H6PD: variants seen among roughly 807,000 people sequenced by gnomAD.
H6PD encodes the protein GDH/6PGL endoplasmic bifunctional protein.
H6PD carries 48 observed loss-of-function variants against 61.2 expected under a neutral mutation model. The observed-to-expected ratio is 0.78, with a 90% CI of 0.62 to 1.00. H6PD has a LOEUF of 1.00. H6PD is among the 50% of genes least tolerant of loss of function. The probability of loss-of-function intolerance (pLI) is 0.00; values close to 1 mark genes in which losing one functional copy is unlikely to be tolerated. For missense variants in H6PD, 1,093 were observed against 1,065.0 expected (o/e 1.03, Z -0.37); for synonymous variants, 480 against 457.9 (o/e 1.05, Z -0.62).
rs769701551 is a variant in H6PD, at chr1:9,262,331, G to C, written c.1015+3G>C. On this transcript the variant is annotated splice_donor_region_variant and intron_variant, in intron 4 of 4. Coordinates refer to ENST00000377403, the MANE Select transcript of H6PD (RefSeq NM_004285.4). The stretch of plus-strand genomic sequence containing the variant: ...CAGCCTGACGCCGACCTTCGCAGGT[G>C]GGCCCTGGGGCTGGGCATGGGGCAC... 6.3e-7 allele frequency: 1 copy of C among 1,597,650 alleles called. No homozygotes were observed. The highest frequency in any genetic ancestry group is 8.5e-7 in the Non-Finnish European group (1 of 1,172,224).
At chr1:9,260,078 C>T (rs556936630) in intron 3 of H6PD, among the ~76,000 whole-genome samples, 7 of 141,498 alleles carry the variant, frequency 4.9e-5, no homozygotes, top group East Asian at 2.2e-4. Context: ...GGTGTTGTTA[C>T]GTTGCTGTTG....
intron 3 of H6PD, among the ~76,000 whole-genome samples, chr1:9,251,536 G>C (rs1242532297): frequency 6.6e-6 from 1 of 152,136 alleles, no homozygotes; most frequent in Non-Finnish European, 1.5e-5. Flanking sequence ...CCTGACATGG[G>C]GGAAAGGAGC....
At chr1:9,236,009 G>A (rs986681484) in intron 1 of H6PD, among the ~76,000 whole-genome samples, 1 of 152,074 alleles carries the variant, frequency 6.6e-6, no homozygotes, top group Non-Finnish European at 1.5e-5. Flanking sequence ...GCATTTTTCT[G>A]TGGTTGATGG....
At chr1:9,255,601 A>G (rs1272863542) in intron 3 of H6PD, among the ~76,000 whole-genome samples, 1 of 152,104 alleles carries the variant, frequency 6.6e-6, no homozygotes, top group African/African-American at 2.4e-5. Flanking sequence ...TTTCAAATGC[A>G]AGATATTCCT....
At position 9,263,687 on chromosome 1, in the gene H6PD, C is replaced by A. The variant is rs112859991; in HGVS notation, c.1194C>A (p.Leu398=). Residue 398 remains leucine (L), a synonymous_variant, in exon 5 of 5, where the codon CTC becomes CTA. Coordinates refer to ENST00000377403, the MANE Select transcript of H6PD (RefSeq NM_004285.4). ...AGAGCCAGTGCCTGCCCCGGCAGCT[C>A]GTCTTCCACATCGGCCATGGCGACC... ...AAQSQCLPRQ[L]VFHIGHGDLG... 6.2e-7 allele frequency: 1 copy of A among 1,614,038 alleles called. No individual in the cohort carries two copies. The highest frequency in any genetic ancestry group is 8.5e-7 in the Non-Finnish European group (1 of 1,179,998).
intron 3 of H6PD, among the ~76,000 whole-genome samples, chr1:9,249,352 G>A (rs1247767143): frequency 2.0e-5 from 3 of 152,198 alleles, no homozygotes; most frequent in Non-Finnish European, 4.4e-5. Context: ...AAAGAAACAC[G>A]GAAGATATGA....
At chr1:9,244,794 G>C in intron 1 of H6PD, 131 bp from the exon 2 acceptor site, 3 of 858,236 alleles carry the variant, frequency 3.5e-6, no homozygotes, top group Non-Finnish European at 5.8e-6. Flanking sequence ...ACAAGCTGTG[G>C]GCTTATAACA....
At chr1:9,260,629 A>G (rs932550776) in intron 3 of H6PD, among the ~76,000 whole-genome samples, 4 of 150,852 alleles carry the variant, frequency 2.7e-5, no homozygotes, top group South Asian at 2.1e-4. Context: ...TGTTACGCCA[A>G]TGTTGTTATG....
chr1:9,264,965 G>T lies in H6PD; in HGVS notation c.*96G>T. ...CCCGCCACCTGCCCAGCGTGCCCTG[G>T]CTCTCCAGAACCTTCTATCCCACAG... On this transcript the variant is annotated 3_prime_UTR_variant, in exon 5 of 5. Transcript: ENST00000377403. 1.5e-6 allele frequency: 2 copies of T among 1,361,564 alleles called. No individual in the cohort carries two copies. Among genetic ancestry groups the T allele is most frequent in the Non-Finnish European group, 2.0e-6 (2 of 976,306 alleles). The allele number at this position is 1,361,564 out of a possible 1,614,324, so 84.3% of individuals were successfully genotyped here.
chr1:9,244,688 T>C (rs1002965740), intron 1 of H6PD, among the ~76,000 whole-genome samples: 1 of 152,206 alleles, frequency 6.6e-6, no homozygotes, highest in African/African-American at 2.4e-5. Flanking sequence ...CTCTAGCAAG[T>C]GGTCTCTAAC....
rs143444265 is a variant in H6PD, at chr1:9,266,086, G to A, written c.*1217G>A. The A allele has an allele frequency of 6.6e-6, 1 of 152,464 alleles. No homozygotes were observed. Among genetic ancestry groups the A allele is most frequent in the African/African-American group, 2.4e-5 (1 of 41,588 alleles). The allele number at this position is 152,464 out of a possible 1,614,324, so 9.4% of individuals were successfully genotyped here. On this transcript the variant is annotated 3_prime_UTR_variant, in exon 5 of 5. Transcript: ENST00000377403. The stretch of plus-strand genomic sequence containing the variant: ...AAGATCCAGTTAAATCACCCACTGA[G>A]GTGACAGCTCATTAGCGGGGAGAGA...
intron 1 of H6PD, chr1:9,239,699 C>T (rs1640942286): frequency 2.9e-6 from 1 of 340,928 alleles, no homozygotes; most frequent in South Asian, 1.5e-4. Context: ...AATTTCCCTT[C>T]CTCCTGCCTG....
In H6PD at chr1:9,245,112, T is replaced by G; in HGVS notation, c.178T>G (p.Phe60Val). The change falls in exon 2 of 5, where the codon TTT becomes GTT. Residue 60 changes from phenylalanine to valine, a missense_variant. Phe to Val is a conservative substitution (Grantham distance 50). Transcript: ENST00000377403. This position sits in a 1 kb window ranked among gnomAD's most constrained non-coding sequence, Gnocchi z 4.8. The stretch of plus-strand genomic sequence containing the variant: ...GGATGAAGCGGGGAGGGGTCACAGT[T>G]TTAGCTTCCATGGAGCTGCTCTGAC... ...YLDEAGRGHS[F>V]SFHGAALTAP... 1 of 1,614,122 alleles carries G rather than the reference T, an allele frequency of 6.2e-7. No homozygotes were observed. Among genetic ancestry groups the G allele is most frequent in the Non-Finnish European group, 8.5e-7 (1 of 1,180,020 alleles).
intron 3 of H6PD, among the ~76,000 whole-genome samples, chr1:9,253,462 A>T (rs1185335903): frequency 1.3e-5 from 2 of 152,218 alleles, no homozygotes; most frequent in Non-Finnish European, 2.9e-5. Context: ...GTTGACATAT[A>T]AATCCACTGT....
Position 9,262,255 on chromosome 1 carries a change from G to C in H6PD, c.942G>C (p.Gln314His), listed in dbSNP as rs767672400. The C allele has an allele frequency of 2.5e-6, 4 of 1,612,490 alleles. No individual in the cohort carries two copies. The highest frequency in any genetic ancestry group is 1.6e-4 in the Middle Eastern group (1 of 6,070). The change falls in exon 4 of 5, where the codon CAG (glutamine) becomes CAC (histidine). Residue 314 changes from glutamine (Q) to histidine (H), a missense_variant. Gln to His is a conservative substitution (Grantham distance 24). Transcript: ENST00000377403. Reference sequence around the variant, plus strand: ...GCAGTGCCGTCGTGGGCCAGTACCAGTCTTACAGTGAGCAGGTGCGCAGAG... The same window carrying C: ...GCAGTGCCGTCGTGGGCCAGTACCACTCTTACAGTGAGCAGGTGCGCAGAG... ...QRGSAVVGQY[Q>H]SYSEQVRREL...
intron 1 of H6PD, among the ~76,000 whole-genome samples, chr1:9,239,271 T>A (rs1640929947): frequency 6.6e-6 from 1 of 152,172 alleles, no homozygotes; most frequent in Non-Finnish European, 1.5e-5. Context: ...GGTCTCAATC[T>A]CCTGGGCTCA....
Position 9,245,215 on chromosome 1 carries a change from A to C in H6PD, c.281A>C (p.His94Pro). ...TGCCCCAAGGACATGGCACCCAGTC[A>C]CTGTGCAGAGCACAAGGATCAGTTC... Reference protein sequence around the residue: ...LSCPKDMAPSHCAEHKDQFLQ... With the variant: ...LSCPKDMAPSPCAEHKDQFLQ... Residue 94 changes from histidine to proline, a missense_variant, in exon 2 of 5, where the codon CAC (histidine) becomes CCC (proline). Physicochemically the swap from His to Pro is moderately conservative, Grantham distance 77. Coordinates refer to ENST00000377403, the MANE Select transcript of H6PD (RefSeq NM_004285.4). The surrounding 1 kb of genome is among the most constrained non-coding windows in gnomAD (Gnocchi z 4.8). The C allele has an allele frequency of 6.2e-7, 1 of 1,614,190 alleles. No homozygotes were observed. Among genetic ancestry groups the C allele is most frequent in the Non-Finnish European group, 8.5e-7 (1 of 1,180,022 alleles).
At chr1:9,238,659 G>T (rs1486252509) in intron 1 of H6PD, among the ~76,000 whole-genome samples, 2 of 152,244 alleles carry the variant, frequency 1.3e-5, no homozygotes, top group Non-Finnish European at 2.9e-5. Flanking sequence ...GATTGGGAGA[G>T]AAATCAGTTC....
At chr1:9,250,162 C>G (rs1183621732) in intron 3 of H6PD, among the ~76,000 whole-genome samples, 1 of 152,178 alleles carries the variant, frequency 6.6e-6, no homozygotes, top group Non-Finnish European at 1.5e-5. Context: ...CCCAGCACAG[C>G]AAGGCCTAGG....
Sources: allele counts gnomAD v4.1 joint callset (sites outside exome capture counted in the v4.1 genomes callset), GRCh38; gene constraint gnomAD v4.1.1; non-coding constraint Gnocchi (gnomAD v3.1); transcripts MANE v1.5; gene names NCBI Gene and HGNC (gene_info 2026-07-23, HGNC 2026-07-21).